Variants in APBA2 observed in about 807,000 individuals in gnomAD.
The protein encoded by APBA2 is amyloid-beta A4 precursor protein-binding family A member 2.
APBA2 carries 30 observed loss-of-function variants against 75.0 expected under a neutral mutation model. That is an observed-to-expected ratio of 0.40 (90% CI 0.30 to 0.54). APBA2 has a LOEUF of 0.54. APBA2 is among the 20% of genes least tolerant of loss of function. The pLI is 0.49. For synonymous variants in APBA2, 444 were observed against 409.6 expected (o/e 1.08, Z -1.01); for missense variants, 801 against 1,016.1 (o/e 0.79, Z 2.88).
At chr15:28,960,744 G>A (rs2036422622) in intron 2 of APBA2, among the ~76,000 whole-genome samples, 1 of 151,736 alleles carries the variant, frequency 6.6e-6, no homozygotes, top group Admixed American at 6.6e-5. Flanking sequence ...AGAGGAACCA[G>A]GATGCACCCA....
At chr15:28,893,016 T>C (rs990059077) in intron 1 of APBA2, among the ~76,000 whole-genome samples, 1 of 152,246 alleles carries the variant, frequency 6.6e-6, no homozygotes, top group African/African-American at 2.4e-5. Flanking sequence ...AAGTGAGCCA[T>C]GTGCTCTAGC....
intron 2 of APBA2, among the ~76,000 whole-genome samples, chr15:28,980,609 C>T (rs1175303208): frequency 6.6e-6 from 1 of 152,158 alleles, no homozygotes; most frequent in African/African-American, 2.4e-5. Flanking sequence ...TTAAAATGAC[C>T]ATACTGCCCA....
intron 2 of APBA2, among the ~76,000 whole-genome samples, chr15:28,972,824 G>A (rs1483866361): frequency 6.6e-6 from 1 of 152,168 alleles, no homozygotes; most frequent in Non-Finnish European, 1.5e-5. Context: ...TGCTTTTTAT[G>A]TCACTGTGAT....
intron 1 of APBA2, among the ~76,000 whole-genome samples, chr15:28,888,990 C>A (rs1210884878): frequency 6.6e-6 from 1 of 152,044 alleles, no homozygotes; most frequent in Non-Finnish European, 1.5e-5. Flanking sequence ...GGTTGCTCAC[C>A]AGGAGGCAGC....
Position 29,117,152 on chromosome 15 carries a change from C to G in APBA2, c.*19C>G, listed in dbSNP as rs370857884. On this transcript the variant is annotated 3_prime_UTR_variant, in exon 15 of 15. Transcript: ENST00000683413. ...CATCTAGGCCACCCCAGCCTGGCCA[C>G]GCAGCCAGGACACCGGGCAGGGCCG... is the stretch of plus-strand genomic sequence containing the variant. 8 of 1,612,228 alleles carry G rather than the reference C, an allele frequency of 5.0e-6. No individual in the cohort carries two copies. The Admixed American group carries it at 1.3e-4, about 27-fold the overall frequency.
chr15:29,004,210 C>T (rs1473284988), intron 3 of APBA2, among the ~76,000 whole-genome samples: 1 of 152,196 alleles, frequency 6.6e-6, no homozygotes, highest in Non-Finnish European at 1.5e-5. Context: ...TAGATAGAAT[C>T]TGGCCTTTCA....
At chr15:29,039,695 A>G (rs17748747) in intron 3 of APBA2, among the ~76,000 whole-genome samples, 32,313 of 152,146 alleles carry the variant, frequency 0.21, 4,332 homozygotes, top group East Asian at 0.44. Flanking sequence ...GATGATGTCA[A>G]GCCTAGCTGA....
At chr15:28,982,046 G>A (rs566187846) in intron 2 of APBA2, among the ~76,000 whole-genome samples, 3 of 152,178 alleles carry the variant, frequency 2.0e-5, no homozygotes, top group Non-Finnish European at 2.9e-5. Flanking sequence ...TAACTGTTGG[G>A]TACTGTGCTT....
chr15:29,045,814 G>A (rs1043143299), intron 3 of APBA2, among the ~76,000 whole-genome samples: 2 of 152,178 alleles, frequency 1.3e-5, no homozygotes, highest in African/African-American at 2.4e-5. Flanking sequence ...AAAACAGATT[G>A]TAGTCCTTGT....
At chr15:29,079,817 T>C (rs1385299143) in intron 6 of APBA2, among the ~76,000 whole-genome samples, 1 of 152,160 alleles carries the variant, frequency 6.6e-6, no homozygotes, top group African/African-American at 2.4e-5. Context: ...TAATTGTTGA[T>C]AATAATGAAA....
chr15:29,104,178 T>G (rs1057007409), intron 10 of APBA2, among the ~76,000 whole-genome samples: 8 of 152,220 alleles, frequency 5.3e-5, no homozygotes, highest in African/African-American at 1.9e-4. Context: ...GCCAAAGCCC[T>G]TGTTTTCACC....
intron 6 of APBA2, among the ~76,000 whole-genome samples, chr15:29,087,112 A>G (rs1471761483): frequency 6.6e-6 from 1 of 152,210 alleles, no homozygotes; most frequent in South Asian, 2.1e-4. Flanking sequence ...TCACAGGAGC[A>G]TGGAGAGGAT....
chr15:29,052,216 G>GGA (rs2041627394), intron 3 of APBA2, among the ~76,000 whole-genome samples: 1 of 152,062 alleles, frequency 6.6e-6, no homozygotes, highest in Non-Finnish European at 1.5e-5. Context: ...AGCACTTTTA[G>GGA]AGGCCGAGGT....
chr15:29,061,060 C>T (rs1380773071), intron 4 of APBA2, among the ~76,000 whole-genome samples: 1 of 152,158 alleles, frequency 6.6e-6, no homozygotes, highest in African/African-American at 2.4e-5. Flanking sequence ...GGCAACTCAC[C>T]CACACTCCTG....
At chr15:29,041,007 G>C (rs1053457555) in intron 3 of APBA2, among the ~76,000 whole-genome samples, 2 of 150,446 alleles carry the variant, frequency 1.3e-5, no homozygotes, top group African/African-American at 4.9e-5. Context: ...CAGAAACATA[G>C]AAATTCGCAG....
At chr15:29,089,726 C>G (rs968918433) in intron 6 of APBA2, among the ~76,000 whole-genome samples, 1 of 152,208 alleles carries the variant, frequency 6.6e-6, no homozygotes, top group African/African-American at 2.4e-5. Flanking sequence ...AGGGGAGAAC[C>G]TGGAGCGCCT....
In APBA2 at chr15:29,042,933, A is replaced by G. The variant is rs72716249; in HGVS notation, c.-40-10912A>G. 2.0e-3 allele frequency among the ~76,000 whole-genome samples: 303 copies of G among 152,246 alleles called. 2 individuals are homozygous for G. Among genetic ancestry groups the G allele is most frequent in the Non-Finnish European group, 3.7e-3 (251 of 68,022 alleles). On this transcript the variant is annotated intron_variant, in intron 3 of 14. Coordinates refer to ENST00000683413, the MANE Select transcript of APBA2 (RefSeq NM_001353788.2). ...TCAGTGCTGGTAACGTTCTGTGTTC[A>G]GTTGCCCTCTTATCTGGACCCTCGC...
At position 28,890,884 on chromosome 15, in the gene APBA2, G is replaced by A. The variant is rs528179876; in HGVS notation, c.-205+4606G>A. Among the ~76,000 whole-genome samples, 175 of 152,290 alleles carry A rather than the reference G, an allele frequency of 1.1e-3. 2 individuals are homozygous for A. In the Middle Eastern group the frequency reaches 0.027, roughly 24 times the overall value. ...CTCTTACTGTCCTGAGAGTTTTAAG[G>A]GTCAGGTTTGTGAGTTACAGCTACG... On this transcript the variant is annotated intron_variant, in intron 1 of 14. Transcript: ENST00000683413.
Position 29,103,564 on chromosome 15 carries a change from G to A in APBA2, c.1524+1780G>A, listed in dbSNP as rs561970668. ...GAGTGACGGGGAGGCGGCGGCTGGC[G>A]GCACACCAGCGGCCCAGATGACACC... On this transcript the variant is annotated intron_variant, in intron 10 of 14. Coordinates refer to ENST00000683413, the MANE Select transcript of APBA2 (RefSeq NM_001353788.2). Among the ~76,000 whole-genome samples, 324 of 152,346 alleles carry A rather than the reference G, an allele frequency of 2.1e-3. 1 individual carries two copies. The highest frequency in any genetic ancestry group is 3.4e-3 in the Non-Finnish European group (231 of 68,036).
Sources: gnomAD v4.1 joint callset for allele counts (sites outside exome capture counted in the v4.1 genomes callset) on GRCh38, gnomAD v4.1.1 for gene constraint, MANE v1.5 for transcripts, NCBI Gene and HGNC (gene_info 2026-07-23, HGNC 2026-07-21) for gene names.